Variants in SPAG5 observed in about 807,000 individuals in gnomAD.
SPAG5 encodes sperm associated antigen 5, also known as sperm-associated antigen 5.
A neutral mutation model predicts 145.4 loss-of-function variants in SPAG5; 99 were observed. That is an observed-to-expected ratio of 0.68 (90% CI 0.58 to 0.80). The LOEUF (loss-of-function observed/expected upper bound fraction) is 0.80, where lower values mean the gene tolerates loss of function less well. Among genes scored for constraint, SPAG5 ranks in the 30% least tolerant of loss-of-function variants. The pLI, the probability that SPAG5 is intolerant of heterozygous loss-of-function variation, is 0.00. For synonymous variants in SPAG5, 477 were observed against 525.4 expected (o/e 0.91, Z 1.26); for missense variants, 1,192 against 1,416.0 (o/e 0.84, Z 2.54).
chr17:28,589,679 G>A lies in SPAG5; in HGVS notation c.1437+2019C>T, dbSNP rs547230670. On this transcript the variant is annotated intron_variant, in intron 4 of 23. Transcript: ENST00000321765. ...AATCCCAGTGCTTTGGGAGGCAAAG[G>A]CTAGCAGATCACTTGAGCCCAGGGG... 2.0e-5 allele frequency among the ~76,000 whole-genome samples: 3 copies of A among 152,190 alleles called. No individual in the cohort carries two copies. In the East Asian group the frequency reaches 5.8e-4, roughly 29 times the overall value.
intron 2 of SPAG5, among the ~76,000 whole-genome samples, chr17:28,598,261 T>C (rs2070682423): frequency 6.6e-6 from 1 of 152,150 alleles, no homozygotes; most frequent in Admixed American, 6.6e-5. Flanking sequence ...TCTCAATAGT[T>C]TGATAAAGGT....
At chr17:28,591,663 T>A (rs199609108) in intron 4 of SPAG5, 35 bp downstream of exon 4, 2 of 1,555,586 alleles carry the variant, frequency 1.3e-6, no homozygotes, top group African/African-American at 2.7e-5. Flanking sequence ...GGATCCCCAC[T>A]GGGATCCCTC....
chr17:28,597,474 A>C (rs988782835), intron 2 of SPAG5, among the ~76,000 whole-genome samples: 1 of 152,228 alleles, frequency 6.6e-6, no homozygotes, highest in Admixed American at 6.5e-5. Context: ...GTGCTCAATA[A>C]CCATGTGACT....
At chr17:28,598,366 T>C (rs2070683291) in intron 2 of SPAG5, 144 bp downstream of exon 2, 1 of 999,428 alleles carries the variant, frequency 1.0e-6, no homozygotes, top group Admixed American at 3.0e-5. Context: ...CACCTCTCTG[T>C]TGGCCTGAAT....
chr17:28,579,473 A>C lies in SPAG5; in HGVS notation c.2897T>G (p.Met966Arg), dbSNP rs1243624845. The C allele has an allele frequency of 1.2e-6, 2 of 1,613,636 alleles. No homozygotes were observed. The highest frequency in any genetic ancestry group is 1.7e-6 in the Non-Finnish European group (2 of 1,179,816). Residue 966 changes from methionine (M) to arginine (R), a missense_variant, in exon 18 of 24, where the codon ATG (methionine) becomes AGG (arginine). Met to Arg is a moderately conservative substitution (Grantham distance 91). Transcript: ENST00000321765. ...VSLQPAETPG[M>R]EESLAEMSIM... ...ACTCATTTCTGCCAGGCTCTCCTCC[A>C]TGCCTGGGGTCTCTGAAAGAGAAAG...
chr17:28,582,727 C>T (rs528861986), intron 15 of SPAG5: 1 of 152,288 alleles, frequency 6.6e-6, no homozygotes, highest in South Asian at 2.1e-4. Context: ...AGCTAATTAC[C>T]TTTGTATTCT....
chr17:28,578,165 G>T, intron 22 of SPAG5, 53 bp downstream of exon 22: 2 of 1,606,060 alleles, frequency 1.2e-6, no homozygotes, highest in African/African-American at 1.3e-5. Context: ...ACATGGCGGG[G>T]CATTTGTTAA....
At position 28,580,131 on chromosome 17, in the gene SPAG5, A is replaced by G. The variant is rs1431703508; in HGVS notation, c.2686-11T>C. ...GGTCTCTTGTTCAGTCTAAGGGCAA[A>G]GAAGAAAAAATAGCTGCTGTTCAGG... is the stretch of plus-strand genomic sequence containing the variant. On this transcript the variant is annotated splice_polypyrimidine_tract_variant and intron_variant, in intron 15 of 23. Transcript: ENST00000321765. 1.9e-6 allele frequency: 3 copies of G among 1,594,952 alleles called. No individual in the cohort carries two copies. Among genetic ancestry groups the G allele is most frequent in the Non-Finnish European group, 2.6e-6 (3 of 1,167,070 alleles).
At chr17:28,585,013 A>G in intron 10 of SPAG5, 89 bp downstream of exon 10, 16 of 1,284,454 alleles carry the variant, frequency 1.2e-5, no homozygotes, top group Non-Finnish European at 1.8e-5. Context: ...CCACAGGGTG[A>G]AAAGAAAACA....
rs769325081 is a variant in SPAG5 at position 28,580,025 on chromosome 17, T to C, written c.2781A>G (p.Thr927=). 1.9e-6 allele frequency: 3 copies of C among 1,613,740 alleles called. No individual in the cohort carries two copies. The highest frequency in any genetic ancestry group is 2.5e-6 in the Non-Finnish European group (3 of 1,179,800). Residue 927 remains threonine, a synonymous_variant, in exon 16 of 24, where the codon ACA becomes ACG. Coordinates refer to ENST00000321765, the MANE Select transcript of SPAG5 (RefSeq NM_006461.4). Reference sequence around the variant, plus strand: ...GCCTTTAACCTTCATCTGCCACTGCTGTCAAGATGCTTCCCAGGAAGGTCC... The same window carrying C: ...GCCTTTAACCTTCATCTGCCACTGCCGTCAAGATGCTTCCCAGGAAGGTCC... ...NDRTFLGSIL[T]AVADEEPEST...
At chr17:28,598,121 G>A (rs1055071054) in intron 2 of SPAG5, among the ~76,000 whole-genome samples, 2 of 152,190 alleles carry the variant, frequency 1.3e-5, no homozygotes, top group African/African-American at 4.8e-5. Flanking sequence ...TTCCAGTGGT[G>A]TAACTTGATC....
At position 28,579,795 on chromosome 17, in the gene SPAG5, C is replaced by G; in HGVS notation, c.2840G>C (p.Ser947Thr). 1.1e-5 allele frequency: 18 copies of G among 1,614,202 alleles called. No homozygotes were observed. The highest frequency in any genetic ancestry group is 1.4e-5 in the Non-Finnish European group (17 of 1,180,034). The change falls in exon 17 of 24, where the codon AGT becomes ACT. Residue 947 changes from serine (S) to threonine (T), a missense_variant. Coordinates refer to ENST00000321765, the MANE Select transcript of SPAG5 (RefSeq NM_006461.4). ...TPVPLLGSDK[S>T]AFTRVASMVS... ...CATTGATGCTACTCGGGTGAAAGCA[C>G]TCTTGTCACTTCCAAGCAAGGGCAC...
At chr17:28,589,102 A>AT (rs764519139) in intron 4 of SPAG5, among the ~76,000 whole-genome samples, 3,048 of 145,968 alleles carry the variant, frequency 0.021, 42 homozygotes, top group Non-Finnish European at 0.029. Context: ...ATTTAAAATA[A>AT]TTTTTTTTTT....
Position 28,579,856 on chromosome 17 carries a change from AT to A in SPAG5, c.2798-20del, listed in dbSNP as rs749717654. The A allele has an allele frequency of 4.9e-5, 78 of 1,604,980 alleles. No homozygotes were observed. The Admixed American group carries it at 1.3e-3, about 26-fold the overall frequency. ...TCTGGCTCTAAGAGAAAAACCAATA[AT>A]GGGAGAGGGCCCCTCTGATGATCCA... On this transcript the variant is annotated intron_variant, in intron 16 of 23. Transcript: ENST00000321765.
rs1312964445 is a variant in SPAG5 at position 28,592,231 on chromosome 17, G to A, written c.1013C>T (p.Ser338Phe). 3 of 1,614,092 alleles carry A rather than the reference G, an allele frequency of 1.9e-6. No individual in the cohort carries two copies. The highest frequency in any genetic ancestry group is 1.7e-6 in the Non-Finnish European group (2 of 1,180,042). Residue 338 changes from serine (S) to phenylalanine (F), a missense_variant, in exon 3 of 24, where the codon TCT (serine) becomes TTT (phenylalanine). By Grantham distance (155) the Ser-to-Phe change is radical. Around this residue, in one of 5 missense-constraint regions of SPAG5, gnomAD observed 125 missense variants for 143.8 expected, o/e 0.87. Transcript: ENST00000321765. ...VGRILGSDTE[S>F]WMSPLAWLEK... ...CAGCCAGGCCAGTGGGGACATCCAA[G>A]ACTCTGTATCAGAGCCAAGAATCCT... is the stretch of plus-strand genomic sequence containing the variant.
chr17:28,586,465 T>C lies in SPAG5; in HGVS notation c.1472A>G (p.His491Arg), dbSNP rs745412303. Reference protein sequence around the residue: ...TNKLQHLKESHEMGQALQQAR... With the variant: ...TNKLQHLKESREMGQALQQAR... Reference sequence around the variant, plus strand: ...CTGCTGTAGGGCCTGTCCCATCTCATGGCTCTCCTTAAGATGCTGAAGTTT... The same window carrying C: ...CTGCTGTAGGGCCTGTCCCATCTCACGGCTCTCCTTAAGATGCTGAAGTTT... The change falls in exon 5 of 24, where the codon CAT (histidine) becomes CGT (arginine). Residue 491 changes from histidine to arginine, a missense_variant. Transcript: ENST00000321765. 1.2e-6 allele frequency: 2 copies of C among 1,613,894 alleles called. No homozygotes were observed. Among genetic ancestry groups the C allele is most frequent in the Non-Finnish European group, 1.7e-6 (2 of 1,179,824 alleles).
chr17:28,598,994 G>A lies in SPAG5; in HGVS notation c.-48C>T, dbSNP rs375531002. On this transcript the variant is annotated 5_prime_UTR_variant, in exon 1 of 24. Transcript: ENST00000321765. ...TCACGTCTCAGACCAAGTCGAGGAC[G>A]CCATGTTCACCCGCCGTCTGTGTTT... 1.3e-6 allele frequency: 2 copies of A among 1,579,700 alleles called. No homozygotes were observed. The highest frequency in any genetic ancestry group is 1.3e-5 in the African/African-American group (1 of 74,212).
At chr17:28,589,990 T>C (rs1353275853) in intron 4 of SPAG5, among the ~76,000 whole-genome samples, 1 of 152,216 alleles carries the variant, frequency 6.6e-6, no homozygotes, top group Non-Finnish European at 1.5e-5. Context: ...AAATTAAAAT[T>C]TCCTTTAAAT....
chr17:28,583,633 T>C lies in SPAG5; in HGVS notation c.2563A>G (p.Thr855Ala), dbSNP rs750878242. Residue 855 changes from threonine to alanine, a missense_variant, in exon 15 of 24, where the codon ACC becomes GCC. By Grantham distance (58) the Thr-to-Ala change is moderately conservative (BLOSUM62 0). Around this residue, in one of 5 missense-constraint regions of SPAG5, gnomAD observed 709 missense variants for 840.7 expected, o/e 0.84. Transcript: ENST00000321765. The stretch of plus-strand genomic sequence containing the variant: ...TCTTGCTCCTGGTTATCTGCTATGG[T>C]GCTGGCCAGTTTAGCCCTGAAATAA... The part of the protein sequence containing the change: ...VENLTAKLAS[T>A]IADNQEQDLE... The C allele has an allele frequency of 3.1e-5, 50 of 1,607,262 alleles. No individual in the cohort carries two copies. The highest frequency in any genetic ancestry group is 4.1e-5 in the Non-Finnish European group (48 of 1,178,094).
Sources: gnomAD v4.1 joint callset for allele counts (sites outside exome capture counted in the v4.1 genomes callset) on GRCh38, gnomAD v4.1.1 for gene constraint, gnomAD v4.1.1 regional missense constraint, MANE v1.5 for transcripts, NCBI Gene and HGNC (gene_info 2026-07-23, HGNC 2026-07-21) for gene names.